The following PCNP variants were observed in gnomAD, a reference collection of about 807,000 sequenced individuals.
PCNP encodes PEST proteolytic signal-containing nuclear protein.
Under a neutral mutation model 21.8 loss-of-function variants are expected in PCNP, and 6 were observed. That is an observed-to-expected ratio of 0.28 (90% CI 0.15 to 0.54). The LOEUF (loss-of-function observed/expected upper bound fraction) is 0.54, where lower values mean the gene tolerates loss of function less well. Ranked by LOEUF, PCNP falls within the 20% of genes least tolerant of loss-of-function variation. PCNP has a pLI of 0.95. For synonymous variants in PCNP, 67 were observed against 73.2 expected (o/e 0.92, Z 0.43); for missense variants, 161 against 215.5 (o/e 0.75, Z 1.58).
At chr3:101,587,037 T>A (rs1258456563) in intron 3 of PCNP, among the ~76,000 whole-genome samples, 2 of 151,982 alleles carry the variant, frequency 1.3e-5, no homozygotes, top group Non-Finnish European at 2.9e-5. Context: ...GCGGATCACC[T>A]GAAGTCAGGA....
At chr3:101,582,655 A>G (rs1935286972) in intron 2 of PCNP, among the ~76,000 whole-genome samples, 1 of 152,236 alleles carries the variant, frequency 6.6e-6, no homozygotes, top group Admixed American at 6.5e-5. Flanking sequence ...CTCTAACTGA[A>G]CATGTTTTAT....
At position 101,593,250 on chromosome 3, in the gene PCNP, C is replaced by G. The variant is rs554445859; in HGVS notation, c.*497C>G. ...ATTTAGATAAAATACAGCTTTTTTC[C>G]TTATGGGCATTTGTTTTGTTTCAAG... is the stretch of plus-strand genomic sequence containing the variant. On this transcript the variant is annotated 3_prime_UTR_variant, in exon 5 of 5. Transcript: ENST00000265260. 6.6e-6 allele frequency: 1 copy of G among 152,436 alleles called. No homozygotes were observed. The highest frequency in any genetic ancestry group is 1.5e-5 in the Non-Finnish European group (1 of 68,004). The allele number at this position is 152,436 out of a possible 1,614,324, so 9.4% of individuals were successfully genotyped here.
In PCNP at chr3:101,585,527, G is replaced by C; in HGVS notation, c.354+16G>C. The C allele has an allele frequency of 5.1e-6, 8 of 1,573,432 alleles. No homozygotes were observed. The highest frequency in any genetic ancestry group is 7.0e-6 in the Non-Finnish European group (8 of 1,149,510). On this transcript the variant is annotated intron_variant, in intron 3 of 4. Transcript: ENST00000265260. ...AGATGAAGATGTAAGTTGATATCGAGTTTTGTTTTTTTACTTTAACCAGTT... is the reference window on the plus strand; with the variant it reads ...AGATGAAGATGTAAGTTGATATCGACTTTTGTTTTTTTACTTTAACCAGTT...
intron 3 of PCNP, among the ~76,000 whole-genome samples, chr3:101,586,571 T>TGTGAGA: frequency 1.1e-4 from 12 of 114,142 alleles, no homozygotes; most frequent in Non-Finnish European, 1.6e-4. Context: ...TGTGTGTGTG[T>TGTGAGA]GAGAGAGAGA....
intron 1 of PCNP, chr3:101,576,435 T>C: frequency 7.8e-7 from 1 of 1,285,028 alleles, no homozygotes; most frequent in Non-Finnish European, 1.1e-6. Flanking sequence ...TTTTTTATTT[T>C]TTATTTTTTT....
At chr3:101,579,129 A>AT (rs34194679) in intron 1 of PCNP, among the ~76,000 whole-genome samples, 18,269 of 149,718 alleles carry the variant, frequency 0.12, 1,102 homozygotes, top group Middle Eastern at 0.16. Context: ...CCAAAGTATG[A>AT]TTTTTTTTTT....
rs530733666 is a variant in PCNP at position 101,576,977 on chromosome 3, C to T, written c.64+2698C>T. ...GCAGCACAAGCGGCGGCGTGTAGGC[C>T]TCCTGTGGAGGAGCAATTTTTGTAT... On this transcript the variant is annotated intron_variant, in intron 1 of 4. Coordinates refer to ENST00000265260, the MANE Select transcript of PCNP (RefSeq NM_020357.3). 2.2e-5 allele frequency: 23 copies of T among 1,054,300 alleles called. No individual in the cohort carries two copies. The African/African-American group carries it at 3.1e-4, about 14-fold the overall frequency. The allele number at this position is 1,054,300 out of a possible 1,614,324, so 65.3% of individuals were successfully genotyped here.
chr3:101,585,607 T>G, intron 3 of PCNP, 96 bp downstream of exon 3: 1 of 685,518 alleles, frequency 1.5e-6, no homozygotes, highest in Non-Finnish European at 2.4e-6. Flanking sequence ...TAGTGAATTT[T>G]CTTTATAATA....
intron 2 of PCNP, among the ~76,000 whole-genome samples, chr3:101,582,324 G>A (rs982549613): frequency 6.6e-6 from 1 of 152,042 alleles, no homozygotes; most frequent in Non-Finnish European, 1.5e-5. Context: ...GTGGTGGCGG[G>A]CGCCTGTAGT....
At chr3:101,576,974 G>C in intron 1 of PCNP, 1 of 1,066,388 alleles carries the variant, frequency 9.4e-7, no homozygotes, top group East Asian at 2.4e-5. Context: ...GCGGCGTGTA[G>C]GCCTCCTGTG....
chr3:101,577,962 A>G (rs562623280), intron 1 of PCNP, among the ~76,000 whole-genome samples: 113 of 152,354 alleles, frequency 7.4e-4, no homozygotes, highest in African/African-American at 2.4e-3. Context: ...ATTTGCTCAG[A>G]GTACAAATTA....
chr3:101,584,910 A>T (rs1935419338), intron 2 of PCNP, among the ~76,000 whole-genome samples: 1 of 152,238 alleles, frequency 6.6e-6, no homozygotes, highest in Non-Finnish European at 1.5e-5. Flanking sequence ...ACGCCAAGTC[A>T]TGAGAATCAT....
At chr3:101,587,456 C>G (rs532526249) in intron 3 of PCNP, among the ~76,000 whole-genome samples, 3 of 152,096 alleles carry the variant, frequency 2.0e-5, no homozygotes, top group Admixed American at 1.3e-4. Flanking sequence ...TTCACTCATT[C>G]TATCCATTTG....
chr3:101,576,475 CA>C lies in PCNP; in HGVS notation c.64+2198del, dbSNP rs920869966. On this transcript the variant is annotated intron_variant, in intron 1 of 4. Coordinates refer to ENST00000265260, the MANE Select transcript of PCNP (RefSeq NM_020357.3). Reference sequence around the variant, plus strand: ...GGTATATAAACTATTTATTAACAGACAAGGCCTACAGACTTATTTCTTCTTG... The same window carrying C: ...GGTATATAAACTATTTATTAACAGACAGGCCTACAGACTTATTTCTTCTTG... 62 of 1,533,656 alleles carry C rather than the reference CA, an allele frequency of 4.0e-5. No individual in the cohort carries two copies. In the African/African-American group the frequency reaches 6.7e-4, roughly 17 times the overall value.
intron 2 of PCNP, 106 bp downstream of exon 2, chr3:101,580,110 G>A: frequency 1.3e-6 from 1 of 761,102 alleles, no homozygotes; most frequent in East Asian, 2.6e-5. Context: ...AAGGTACATT[G>A]TTTGAGAAGT....
At chr3:101,579,700 TC>T in intron 1 of PCNP, 89 bp from the exon 2 acceptor site, 1 of 877,988 alleles carries the variant, frequency 1.1e-6, no homozygotes, top group Non-Finnish European at 2.0e-6. Flanking sequence ...AGAGGTATCT[TC>T]CTTATAACGA....
chr3:101,579,859 C>G lies in PCNP; in HGVS notation c.134C>G (p.Ser45Cys). 1 of 1,614,070 alleles carries G rather than the reference C, an allele frequency of 6.2e-7. No homozygotes were observed. Among genetic ancestry groups the G allele is most frequent in the Non-Finnish European group, 8.5e-7 (1 of 1,179,908 alleles). ...TCTTCCAGTAATGGAGGGGAAAGTT[C>G]CAGTCGCAGCGCTGAGAAGCGATCA... ...TVSSSNGGES[S>C]SRSAEKRSAE... is the part of the protein sequence containing the mutation. Residue 45 changes from serine (S) to cysteine (C), a missense_variant, in exon 2 of 5, where the codon TCC becomes TGC. By Grantham distance (112) the Ser-to-Cys change is moderately radical (BLOSUM62 -1). Transcript: ENST00000265260.
intron 1 of PCNP, among the ~76,000 whole-genome samples, chr3:101,575,160 A>G (rs543029743): frequency 6.6e-6 from 1 of 152,350 alleles, no homozygotes; most frequent in East Asian, 1.9e-4. Flanking sequence ...GCACATAACA[A>G]GACAAGTGAC....
In PCNP at chr3:101,582,455, T is replaced by C. The variant is rs138808059; in HGVS notation, c.279+2451T>C. On this transcript the variant is annotated intron_variant, in intron 2 of 4. Transcript: ENST00000265260. ...ACAGAGTGAGACTCCGTCTCAAAAA[T>C]AGATAAACTACAGTGTAAACACAGT... Among the ~76,000 whole-genome samples, 159 of 152,130 alleles carry C rather than the reference T, an allele frequency of 1.0e-3. 1 individual carries two copies. The highest frequency in any genetic ancestry group is 3.4e-3 in the African/African-American group (142 of 41,512).
Sources: allele counts gnomAD v4.1 joint callset (sites outside exome capture counted in the v4.1 genomes callset), GRCh38; gene constraint gnomAD v4.1.1; transcripts MANE v1.5; gene names NCBI Gene and HGNC (gene_info 2026-07-23, HGNC 2026-07-21).